BCAR1: variants seen among roughly 807,000 people sequenced by gnomAD.
The protein encoded by BCAR1 is breast cancer anti-estrogen resistance protein 1.
A neutral mutation model predicts 67.6 loss-of-function variants in BCAR1; 30 were observed. That is an observed-to-expected ratio of 0.44 (90% CI 0.33 to 0.60). The LOEUF (loss-of-function observed/expected upper bound fraction) is 0.60. BCAR1 is among the 20% of genes least tolerant of loss of function. BCAR1 has a pLI of 0.02. For missense variants in BCAR1, 1,313 were observed against 1,222.3 expected (o/e 1.07, Z -1.11); for synonymous variants, 626 against 556.7 (o/e 1.12, Z -1.75).
rs763732321 is a variant in BCAR1, at chr16:75,234,928, C to G, written c.1971G>C (p.Glu657Asp). ...AGTCATAGTCCTCCATCCAGCCCCC[C>G]TCGCTGTTCTCGTACTGCCCATCTG... ...DSPDGQYENS[E>D]GGWMEDYDYV... Residue 657 changes from glutamate to aspartate, a missense_variant, in exon 5 of 7, where the codon GAG (glutamate) becomes GAC (aspartate). Physicochemically the swap from Glu to Asp is conservative, Grantham distance 45. This residue lies in a region of BCAR1 where 1,272 missense variants were observed against 1,137.5 expected (regional missense o/e 1.12). Coordinates refer to ENST00000162330, the MANE Select transcript of BCAR1 (RefSeq NM_014567.5). The G allele has an allele frequency of 3.2e-6, 5 of 1,558,484 alleles. No homozygotes were observed. The highest frequency in any genetic ancestry group is 1.8e-5 in the Admixed American group (1 of 56,258).
At chr16:75,238,910 C>A in intron 2 of BCAR1, 1 of 985,370 alleles carries the variant, frequency 1.0e-6, no homozygotes, top group South Asian at 4.7e-5. Context: ...GGGGACCCAG[C>A]CTCAAGGCTC....
At chr16:75,236,268 C>G (rs1203849990) in intron 4 of BCAR1, 2 of 500,946 alleles carry the variant, frequency 4.0e-6, no homozygotes, top group Admixed American at 3.8e-5. Flanking sequence ...ACCCCTGTGC[C>G]TGAAGGTGGG....
At chr16:75,248,232 C>G in intron 1 of BCAR1, 1 of 1,524,488 alleles carries the variant, frequency 6.6e-7, no homozygotes, top group Non-Finnish European at 8.7e-7. Context: ...GGAAATGTCA[C>G]AGGCCTTTCC....
intron 6 of BCAR1, among the ~76,000 whole-genome samples, chr16:75,233,197 C>T (rs975161767): frequency 6.6e-6 from 1 of 152,024 alleles, no homozygotes; most frequent in Non-Finnish European, 1.5e-5. Context: ...TGTGGTGAAA[C>T]CTTTGTCTCT....
At chr16:75,248,085 C>T (rs757306070) in intron 1 of BCAR1, 3 of 1,593,506 alleles carry the variant, frequency 1.9e-6, no homozygotes, top group Admixed American at 3.3e-5. Flanking sequence ...AACCAAGGCT[C>T]AGAAGCTCCC....
intron 2 of BCAR1, among the ~76,000 whole-genome samples, chr16:75,240,174 C>A (rs193146761): frequency 1.3e-5 from 2 of 152,202 alleles, no homozygotes; most frequent in African/African-American, 4.8e-5. Context: ...GTCACTCACC[C>A]TCTTGGCTTC....
upstream of BCAR1, chr16:75,252,290 GCCT>G (rs1490653720): frequency 6.5e-7 from 1 of 1,536,668 alleles, no homozygotes; most frequent in African/African-American, 1.4e-5. Flanking sequence ...CAGCTGATCT[GCCT>G]CCTCTCATTA....
intron 1 of BCAR1, chr16:75,264,552 C>G: frequency 2.2e-6 from 3 of 1,370,022 alleles, no homozygotes; most frequent in South Asian, 3.7e-5. Flanking sequence ...TGAACCAGAA[C>G]GGATGGCGGG....
chr16:75,252,440 A>C, upstream of BCAR1: 1 of 1,433,946 alleles, frequency 7.0e-7, no homozygotes, highest in Non-Finnish European at 9.2e-7. Context: ...CACTCGGGGG[A>C]AACCGAGTGG....
chr16:75,251,627 C>T (rs1184254010), upstream of BCAR1: 1 of 1,007,076 alleles, frequency 9.9e-7, no homozygotes. Context: ...GCCGGTCCAG[C>T]CGCTCTCCGC....
rs2077405490 is a variant in BCAR1 at position 75,243,011 on chromosome 16, G to A, written c.92C>T (p.Thr31Met). ...ELSFRKGDIM[T>M]VLEQDTQGLD... ...GCCCTGCGTGTCCTGCTCCAGCACC[G>A]TCATGATGTCACCCTTGCGGAAGGA... is the stretch of plus-strand genomic sequence containing the variant. Residue 31 changes from threonine to methionine, a missense_variant, in exon 2 of 7, where the codon ACG (threonine) becomes ATG (methionine). This residue lies in a region of BCAR1 where 41 missense variants were observed against 84.8 expected (regional missense o/e 0.48). Transcript: ENST00000162330. The A allele has an allele frequency of 5.6e-6, 9 of 1,612,864 alleles. No homozygotes were observed. The highest frequency in any genetic ancestry group is 3.3e-5 in the Admixed American group (2 of 59,980).
chr16:75,264,687 C>T (rs2077967590), intron 1 of BCAR1: 16 of 1,240,306 alleles, frequency 1.3e-5, no homozygotes, highest in Non-Finnish European at 1.6e-5. Context: ...GGCCAGCTTC[C>T]CTCTGGTCAT....
upstream of BCAR1, among the ~76,000 whole-genome samples, chr16:75,255,407 G>A (rs2077751670): frequency 6.6e-6 from 1 of 152,194 alleles, no homozygotes; most frequent in Non-Finnish European, 1.5e-5. Context: ...CATCCCCCTA[G>A]GCTGGACACT....
At position 75,240,707 on chromosome 16, in the gene BCAR1, G is replaced by T. The variant is rs960102909; in HGVS notation, c.633+1763C>A. ...AATACAAGCAGACACAATCAAGACT[G>T]GGGGAGGTTTCCTGGGGGAGAGCAG... On this transcript the variant is annotated intron_variant, in intron 2 of 6. Transcript: ENST00000162330. 3.3e-5 allele frequency among the ~76,000 whole-genome samples: 5 copies of T among 152,354 alleles called. No homozygotes were observed. The South Asian group carries it at 6.2e-4, about 19-fold the overall frequency.
At chr16:75,264,262 C>A in intron 1 of BCAR1, 1 of 1,366,902 alleles carries the variant, frequency 7.3e-7, no homozygotes, top group South Asian at 1.8e-5. Flanking sequence ...ACAACCAAAC[C>A]AAATCAAACG....
chr16:75,263,518 TCTGGGTCCGGG>T (rs752051200), intron 1 of BCAR1: 52 of 985,372 alleles, frequency 5.3e-5, no homozygotes, highest in Non-Finnish European at 5.9e-5. Flanking sequence ...CCTTCCCCTC[TCTGGGTCCGGG>T]ACTGCATGTG....
chr16:75,242,588 C>T lies in BCAR1; in HGVS notation c.515G>A (p.Gly172Glu). ...TDLYQVPPGP[G>E]GPAQDIYQVP... ...CTGGTAAATATCCTGGGCAGGGCCTCCAGGCCCTGGGGGCACCTGGTACAG... is the reference window on the plus strand; with the variant it reads ...CTGGTAAATATCCTGGGCAGGGCCTTCAGGCCCTGGGGGCACCTGGTACAG... The change falls in exon 2 of 7, where the codon GGA becomes GAA. Residue 172 changes from glycine (G) to glutamate (E), a missense_variant. Gly to Glu is a moderately conservative substitution (Grantham distance 98). This residue lies in a region of BCAR1 where 1,272 missense variants were observed against 1,137.5 expected (regional missense o/e 1.12). Coordinates refer to ENST00000162330, the MANE Select transcript of BCAR1 (RefSeq NM_014567.5). 6.7e-7 allele frequency: 1 copy of T among 1,496,726 alleles called. No homozygotes were observed. The highest frequency in any genetic ancestry group is 1.4e-5 in the South Asian group (1 of 72,312). The allele number at this position is 1,496,726 out of a possible 1,614,324, so 92.7% of individuals were successfully genotyped here. A position where few individuals can be genotyped will look rare whatever the true frequency, so the allele number is the denominator to read the frequency against.
intron 2 of BCAR1, among the ~76,000 whole-genome samples, chr16:75,241,041 G>A (rs2077321814): frequency 6.6e-6 from 1 of 152,268 alleles, no homozygotes; most frequent in African/African-American, 2.4e-5. Context: ...CTGACCTTGG[G>A]GCATGTGCAG....
chr16:75,261,481 C>G (rs1376597115), intron 1 of BCAR1, among the ~76,000 whole-genome samples: 1 of 152,252 alleles, frequency 6.6e-6, no homozygotes, highest in Non-Finnish European at 1.5e-5. Context: ...CCGTGCTGGC[C>G]CGACTGCTGC....
Sources: allele counts gnomAD v4.1 joint callset (sites outside exome capture counted in the v4.1 genomes callset), GRCh38; gene constraint gnomAD v4.1.1; regional missense constraint gnomAD v4.1.1; transcripts MANE v1.5; gene names NCBI Gene and HGNC (gene_info 2026-07-23, HGNC 2026-07-21).